The following ERCC6L2 variants were observed in gnomAD, a reference collection of about 807,000 sequenced individuals.
ERCC6L2 encodes the protein ERCC excision repair 6 like 2.
In ERCC6L2, 77 loss-of-function variants were observed where a neutral mutation model predicts 132.0. That is an observed-to-expected ratio of 0.58 (90% CI 0.49 to 0.71). The LOEUF is 0.71. Ranked by LOEUF, ERCC6L2 falls within the 30% of genes least tolerant of loss-of-function variation. The pLI is 0.00. For synonymous variants in ERCC6L2, 583 were observed against 632.4 expected (o/e 0.92, Z 1.17); for missense variants, 1,542 against 1,837.6 (o/e 0.84, Z 2.94).
At chr9:95,944,447 G>A (rs1334955382) in intron 12 of ERCC6L2, among the ~76,000 whole-genome samples, 1 of 152,178 alleles carries the variant, frequency 6.6e-6, no homozygotes, top group Non-Finnish European at 1.5e-5. Flanking sequence ...ATGGATAGTG[G>A]TGATGGCTGG....
chr9:95,966,945 G>A (rs1015628752), intron 14 of ERCC6L2: 3 of 327,598 alleles, frequency 9.2e-6, no homozygotes, highest in Admixed American at 9.6e-5. Flanking sequence ...TGTATATGCT[G>A]GGTAGTATGA....
intron 13 of ERCC6L2, among the ~76,000 whole-genome samples, chr9:95,966,181 G>A (rs1022827408): frequency 6.6e-6 from 1 of 152,184 alleles, no homozygotes; most frequent in African/African-American, 2.4e-5. Context: ...TTTAACTTCA[G>A]TGATGTAGTA....
chr9:95,956,917 A>T (rs911769362), intron 13 of ERCC6L2, among the ~76,000 whole-genome samples: 144 of 152,260 alleles, frequency 9.5e-4, no homozygotes, highest in African/African-American at 3.3e-3. Flanking sequence ...TTCATATGTT[A>T]CCATTTTCTA....
At chr9:95,959,996 G>A (rs1227264431) in intron 13 of ERCC6L2, among the ~76,000 whole-genome samples, 2 of 152,074 alleles carry the variant, frequency 1.3e-5, no homozygotes, top group Non-Finnish European at 2.9e-5. Flanking sequence ...CCTCTTCAGG[G>A]TATCACTGAT....
intron 10 of ERCC6L2, 60 bp downstream of exon 10, chr9:95,928,210 TA>T: frequency 8.7e-7 from 1 of 1,152,620 alleles, no homozygotes; most frequent in Non-Finnish European, 1.3e-6. Context: ...GCATAAAGAA[TA>T]AAGCATATGC....
downstream of ERCC6L2, chr9:96,021,217 G>C (rs1018921984): frequency 1.4e-5 from 5 of 350,862 alleles, no homozygotes; most frequent in African/African-American, 1.1e-4. The surrounding 1 kb of genome is among the most constrained non-coding windows in gnomAD (Gnocchi z 4.7). Context: ...ACCCGCGGCG[G>C]GGCCCACAAC....
rs200568420 is a variant in ERCC6L2, at chr9:95,897,877, A to C, written c.500A>C (p.His167Pro). The C allele has an allele frequency of 5.0e-6, 8 of 1,612,800 alleles. No individual in the cohort carries two copies. Among genetic ancestry groups the C allele is most frequent in the Admixed American group, 3.3e-5 (2 of 59,786 alleles). ...QVISFLAAVL[H>P]KKGTREDIEN... ...ATTTCATTTCTGGCTGCAGTTTTGC[A>C]TAAAAAGGGAACTCGTGAGGATATT... The change falls in exon 3 of 19, where the codon CAT becomes CCT. Residue 167 changes from histidine to proline, a missense_variant. By Grantham distance (77) the His-to-Pro change is moderately conservative (BLOSUM62 -2). Transcript: ENST00000653738.
Position 96,018,026 on chromosome 9 carries a change from A to G in ERCC6L2, c.*4823A>G, listed in dbSNP as rs74449191. ...CTGTATGATTCCACTTATATAAAGT[A>G]CCTAGATTAGTCAGATTCATAGAGA... On this transcript the variant is annotated 3_prime_UTR_variant, in exon 19 of 19. Transcript: ENST00000653738. Among the ~76,000 whole-genome samples the G allele has an allele frequency of 0.012, 1,808 of 152,324 alleles. 25 individuals carry two copies. The highest frequency in any genetic ancestry group is 0.016 in the Non-Finnish European group (1,104 of 68,012).
chr9:95,962,547 T>C (rs1351900699), intron 13 of ERCC6L2, among the ~76,000 whole-genome samples: 1 of 152,190 alleles, frequency 6.6e-6, no homozygotes, highest in Non-Finnish European at 1.5e-5. Flanking sequence ...AGATCAAATG[T>C]ACTGATGTGG....
intron 6 of ERCC6L2, chr9:95,918,445 C>T: frequency 2.2e-6 from 1 of 449,536 alleles, no homozygotes; most frequent in South Asian, 1.7e-5. Context: ...CTCATAGCTA[C>T]CATTTATTCA....
chr9:95,905,190 T>C (rs1453648638), intron 3 of ERCC6L2: 2 of 152,182 alleles, frequency 1.3e-5, no homozygotes, highest in African/African-American at 2.4e-5. Flanking sequence ...AAAAGACTTA[T>C]TAAATGAAAT....
At chr9:96,026,912 CA>C in intron 19 of ERCC6L2, among the ~76,000 whole-genome samples, 1 of 119,172 alleles carries the variant, frequency 8.4e-6, no homozygotes, top group Middle Eastern at 3.7e-3. Flanking sequence ...CTACACCAAA[CA>C]CACCACACGC....
intron 4 of ERCC6L2, 42 bp from the exon 5 acceptor site, chr9:95,915,626 G>A (rs1370943222): frequency 6.4e-7 from 1 of 1,556,468 alleles, no homozygotes; most frequent in South Asian, 1.2e-5. Flanking sequence ...ACTAAGAAAG[G>A]AAGTTTTCTC....
At chr9:96,032,293 T>C (rs1213653196) in intron 19 of ERCC6L2, among the ~76,000 whole-genome samples, 1 of 152,128 alleles carries the variant, frequency 6.6e-6, no homozygotes, top group African/African-American at 2.4e-5. Flanking sequence ...GCTCCACTCA[T>C]GTTGGGCAGC....
At chr9:95,914,110 T>C (rs1461940532) in intron 4 of ERCC6L2, among the ~76,000 whole-genome samples, 1 of 152,238 alleles carries the variant, frequency 6.6e-6, no homozygotes, top group Non-Finnish European at 1.5e-5. Context: ...CCAAAAGCAG[T>C]GTTTGAGGAT....
In ERCC6L2 at chr9:95,934,974, C is replaced by G. The variant is rs1830493400; in HGVS notation, c.1751+6110C>G. Reference sequence around the variant, plus strand: ...CTCTTTTCAAATAAATAATGAGAATCATATTATATGCCTTTTGTTAAAATC... The same window carrying G: ...CTCTTTTCAAATAAATAATGAGAATGATATTATATGCCTTTTGTTAAAATC... On this transcript the variant is annotated intron_variant, in intron 11 of 18. Transcript: ENST00000653738. Among the ~76,000 whole-genome samples, 3 of 152,148 alleles carry G rather than the reference C, an allele frequency of 2.0e-5. No individual in the cohort carries two copies. The South Asian group carries it at 6.2e-4, about 32-fold the overall frequency.
chr9:95,907,662 G>A (rs1420735684), intron 4 of ERCC6L2, among the ~76,000 whole-genome samples: 3 of 151,932 alleles, frequency 2.0e-5, no homozygotes, highest in African/African-American at 7.3e-5. Context: ...TTCTTACATT[G>A]AATACAGGAT....
At chr9:95,993,747 C>G (rs898703499) in intron 17 of ERCC6L2, among the ~76,000 whole-genome samples, 1 of 152,094 alleles carries the variant, frequency 6.6e-6, no homozygotes, top group Admixed American at 6.5e-5. Context: ...AAGCAAAGCA[C>G]TATTGAAAAA....
intron 14 of ERCC6L2, chr9:95,968,397 A>C (rs754659037): frequency 6.6e-6 from 1 of 152,144 alleles, no homozygotes; most frequent in Non-Finnish European, 1.5e-5. Context: ...TTGATTATTA[A>C]GTTAAATTTT....
Sources: gnomAD v4.1 joint callset for allele counts (sites outside exome capture counted in the v4.1 genomes callset) on GRCh38, gnomAD v4.1.1 for gene constraint, Gnocchi (gnomAD v3.1) non-coding constraint, MANE v1.5 for transcripts, NCBI Gene and HGNC (gene_info 2026-07-23, HGNC 2026-07-21) for gene names.